Variants in ANO10 observed in about 807,000 individuals in gnomAD.
The protein encoded by ANO10 is anoctamin-10.
Under a neutral mutation model 74.7 loss-of-function variants are expected in ANO10, and 77 were observed. That is an observed-to-expected ratio of 1.03 (90% CI 0.86 to 1.25). The LOEUF is 1.25. Ranked by LOEUF, ANO10 falls within the 50% of genes most tolerant of loss-of-function variation. The probability of loss-of-function intolerance (pLI) is 0.00; values close to 1 mark genes in which losing one functional copy is unlikely to be tolerated. For synonymous variants in ANO10, 279 were observed against 284.9 expected, an observed-to-expected ratio of 0.98 and a Z score of 0.21; for missense variants, 721 against 778.1, an observed-to-expected ratio of 0.93 and a Z score of 0.87.
intron 12 of ANO10, among the ~76,000 whole-genome samples, chr3:43,400,942 G>C (rs1317194138): frequency 6.6e-6 from 1 of 152,202 alleles, no homozygotes; most frequent in Admixed American, 6.5e-5. Context: ...CCTATAGTCT[G>C]ACGTGTCAAG....
At chr3:43,545,575 A>G (rs2079153896) in intron 11 of ANO10, among the ~76,000 whole-genome samples, 1 of 152,094 alleles carries the variant, frequency 6.6e-6, no homozygotes, top group Non-Finnish European at 1.5e-5. Flanking sequence ...CATGTTGACC[A>G]GGCTGGTCTC....
chr3:43,498,932 A>G (rs1371283848), intron 11 of ANO10, among the ~76,000 whole-genome samples: 1 of 152,210 alleles, frequency 6.6e-6, no homozygotes, highest in Non-Finnish European at 1.5e-5. Flanking sequence ...TGGTTCTGCA[A>G]TGCGACAGTC....
intron 11 of ANO10, among the ~76,000 whole-genome samples, chr3:43,495,465 G>T (rs547528415): frequency 6.6e-6 from 1 of 152,210 alleles, no homozygotes; most frequent in African/African-American, 2.4e-5. Context: ...GAAAATATTT[G>T]TAACATGTGA....
chr3:43,453,884 G>A (rs2075003817), intron 11 of ANO10, among the ~76,000 whole-genome samples: 1 of 152,124 alleles, frequency 6.6e-6, no homozygotes, highest in South Asian at 2.1e-4. Context: ...TTCATCAAAT[G>A]CTCAGTAGGC....
chr3:43,427,331 A>T lies in ANO10; in HGVS notation c.1914+5280T>A, dbSNP rs533877030. 9.2e-5 allele frequency among the ~76,000 whole-genome samples: 14 copies of T among 152,164 alleles called. No homozygotes were observed. The East Asian group carries it at 2.3e-3, about 25-fold the overall frequency. On this transcript the variant is annotated intron_variant, in intron 12 of 12. Coordinates refer to ENST00000292246, the MANE Select transcript of ANO10 (RefSeq NM_018075.5). ...ACAGGAGCATTTTAAAAAAAATGTAAGTCCCTGGGCGCCACCTTCGATTTA... is the reference window on the plus strand; with the variant it reads ...ACAGGAGCATTTTAAAAAAAATGTATGTCCCTGGGCGCCACCTTCGATTTA...
intron 11 of ANO10, among the ~76,000 whole-genome samples, chr3:43,522,919 G>C (rs1039955136): frequency 1.3e-5 from 2 of 152,116 alleles, no homozygotes; most frequent in Non-Finnish European, 2.9e-5. Context: ...TCAAAGTTTA[G>C]GGTAAAAAAT....
intron 1 of ANO10, among the ~76,000 whole-genome samples, chr3:43,680,301 G>C (rs1001952763): frequency 1.3e-4 from 20 of 152,204 alleles, no homozygotes; most frequent in East Asian, 3.8e-4. Context: ...ACAAGCCTCA[G>C]TAGCCAATTT....
At chr3:43,476,651 T>C (rs1486413468) in intron 11 of ANO10, among the ~76,000 whole-genome samples, 1 of 152,236 alleles carries the variant, frequency 6.6e-6, no homozygotes, top group Middle Eastern at 3.2e-3. Context: ...CCTTTTTCTT[T>C]GTAGTTTTTA....
At chr3:43,612,925 T>C (rs2082900780) in intron 1 of ANO10, among the ~76,000 whole-genome samples, 1 of 152,174 alleles carries the variant, frequency 6.6e-6, no homozygotes, top group African/African-American at 2.4e-5. Flanking sequence ...CCCAACACTT[T>C]GGGAGGCAGA....
intron 3 of ANO10, 126 bp downstream of exon 3, chr3:43,600,258 C>G (rs2082278301): frequency 3.6e-6 from 4 of 1,103,726 alleles, no homozygotes; most frequent in Non-Finnish European, 5.5e-6. Context: ...ACCACACGGA[C>G]TGCAAAACCT....
intron 1 of ANO10, among the ~76,000 whole-genome samples, chr3:43,612,148 A>T (rs1301314324): frequency 3.7e-5 from 3 of 80,362 alleles, no homozygotes; most frequent in African/African-American, 2.7e-4. Context: ...TTTTATATAT[A>T]TATATATATA....
At chr3:43,682,113 A>G (rs150254051) in intron 1 of ANO10, among the ~76,000 whole-genome samples, 2,254 of 152,246 alleles carry the variant, frequency 0.015, 52 homozygotes, top group African/African-American at 0.05. Flanking sequence ...GACACAAAAA[A>G]CCCTTCAAAA....
intron 1 of ANO10, among the ~76,000 whole-genome samples, chr3:43,662,193 C>G (rs953023880): frequency 6.6e-6 from 1 of 152,140 alleles, no homozygotes; most frequent in Non-Finnish European, 1.5e-5. Context: ...GAACAGAAAT[C>G]ACAACAAAGT....
At chr3:43,519,858 A>C (rs1244777405) in intron 11 of ANO10, among the ~76,000 whole-genome samples, 1 of 152,154 alleles carries the variant, frequency 6.6e-6, no homozygotes, top group Non-Finnish European at 1.5e-5. Flanking sequence ...CAAGGAAAAG[A>C]AGTGTTATTT....
Position 43,436,261 on chromosome 3 carries a change from CA to C in ANO10, c.1798-3535del, listed in dbSNP as rs529552578. On this transcript the variant is annotated intron_variant, in intron 11 of 12. Coordinates refer to ENST00000292246, the MANE Select transcript of ANO10 (RefSeq NM_018075.5). Reference sequence around the variant, plus strand: ...GAAAAAAAACCACAAAAAGCATTTTCATCATTTTTTCTTGTTTAAATAAAAG... The same window carrying C: ...GAAAAAAAACCACAAAAAGCATTTTCTCATTTTTTCTTGTTTAAATAAAAG... Among the ~76,000 whole-genome samples, 21 of 152,214 alleles carry C rather than the reference CA, an allele frequency of 1.4e-4. 1 individual carries two copies. The East Asian group carries it at 4.1e-3, about 29-fold the overall frequency.
chr3:43,651,812 A>G (rs1237049148), intron 1 of ANO10, among the ~76,000 whole-genome samples: 1 of 152,164 alleles, frequency 6.6e-6, no homozygotes, highest in East Asian at 1.9e-4. Flanking sequence ...ACTTAGTTCA[A>G]TCAAGTTCAA....
rs1403089637 is a variant in ANO10 at position 43,574,301 on chromosome 3, C to T, written c.1218+508G>A. Among the ~76,000 whole-genome samples the T allele has an allele frequency of 4.7e-4, 69 of 148,298 alleles. 2 individuals are homozygous for T. The highest frequency in any genetic ancestry group is 2.4e-4 in the Non-Finnish European group (16 of 67,298). On this transcript the variant is annotated intron_variant, in intron 7 of 12. Transcript: ENST00000292246. ...TTTTTTTTTTTTTGAGACAGAGTCT[C>T]GCTCTGTCACCCAAGCTGGAGTGCA...
intron 4 of ANO10, among the ~76,000 whole-genome samples, chr3:43,594,289 C>A (rs1244415862): frequency 1.3e-5 from 2 of 152,180 alleles, no homozygotes; most frequent in Non-Finnish European, 2.9e-5. Context: ...ACTCTCCACC[C>A]CAAATCAACA....
intron 1 of ANO10, among the ~76,000 whole-genome samples, chr3:43,665,297 T>C (rs894953012): frequency 3.9e-5 from 6 of 152,112 alleles, no homozygotes; most frequent in African/African-American, 1.2e-4. Flanking sequence ...CATCACATGT[T>C]CTTACTCGTA....
Sources: gnomAD v4.1 joint callset for allele counts (sites outside exome capture counted in the v4.1 genomes callset) on GRCh38, gnomAD v4.1.1 for gene constraint, MANE v1.5 for transcripts, NCBI Gene and HGNC (gene_info 2026-07-23, HGNC 2026-07-21) for gene names.